Variants in TMEM266 observed in about 807,000 individuals in gnomAD.
The protein encoded by TMEM266 is Hv1 related protein 1.
Under a neutral mutation model 50.5 loss-of-function variants are expected in TMEM266, and 33 were observed. That is an observed-to-expected ratio of 0.65 (90% CI 0.50 to 0.87). The LOEUF is 0.87. Ranked by LOEUF, TMEM266 falls within the 40% of genes least tolerant of loss-of-function variation. TMEM266 has a pLI of 0.00. For missense variants in TMEM266, 655 were observed against 695.1 expected (o/e 0.94, Z 0.65); for synonymous variants, 310 against 292.3 (o/e 1.06, Z -0.62).
intron 1 of TMEM266, among the ~76,000 whole-genome samples, chr15:76,067,276 C>G (rs1000169386): frequency 8.5e-5 from 13 of 152,130 alleles, no homozygotes; most frequent in African/African-American, 3.1e-4. Flanking sequence ...AAACAAATTA[C>G]AGAAATGCAG....
At chr15:76,108,502 G>A (rs2037120322) in intron 1 of TMEM266, among the ~76,000 whole-genome samples, 1 of 152,256 alleles carries the variant, frequency 6.6e-6, no homozygotes, top group South Asian at 2.1e-4. Context: ...CTGGGCCTGG[G>A]ATGGGGTCTG....
At chr15:76,102,663 A>C (rs1451514133) in intron 1 of TMEM266, among the ~76,000 whole-genome samples, 1 of 151,866 alleles carries the variant, frequency 6.6e-6, no homozygotes, top group Admixed American at 6.6e-5. Context: ...ACATGACAAA[A>C]CTCTATCTCT....
At chr15:76,130,380 A>G (rs1331007091) in intron 1 of TMEM266, among the ~76,000 whole-genome samples, 2 of 151,300 alleles carry the variant, frequency 1.3e-5, no homozygotes, top group Admixed American at 6.7e-5. Context: ...TCTACTAATA[A>G]TATAAAAAAA....
At chr15:76,101,178 G>A (rs1243258306) in intron 1 of TMEM266, among the ~76,000 whole-genome samples, 1 of 152,166 alleles carries the variant, frequency 6.6e-6, no homozygotes, top group Non-Finnish European at 1.5e-5. Flanking sequence ...ATGGCAGTCA[G>A]CAACAGAGCT....
chr15:76,131,293 G>A (rs1172721149), intron 1 of TMEM266, among the ~76,000 whole-genome samples: 1 of 152,260 alleles, frequency 6.6e-6, no homozygotes, highest in Non-Finnish European at 1.5e-5. Flanking sequence ...CATGAACCCA[G>A]GAGGCGGAGG....
chr15:76,144,360 G>A (rs1029980539), intron 3 of TMEM266, among the ~76,000 whole-genome samples: 5 of 152,130 alleles, frequency 3.3e-5, no homozygotes, highest in Admixed American at 2.6e-4. Flanking sequence ...ATAGTCAGCC[G>A]TAGTCACCCT....
chr15:76,103,065 G>GA, intron 1 of TMEM266, among the ~76,000 whole-genome samples: 1 of 152,218 alleles, frequency 6.6e-6, no homozygotes, highest in East Asian at 1.9e-4. Context: ...GGGAAGCAGG[G>GA]AGACAGGAGT....
At chr15:76,173,902 C>T (rs1312363244) in intron 7 of TMEM266, among the ~76,000 whole-genome samples, 1 of 150,450 alleles carries the variant, frequency 6.6e-6, no homozygotes, top group East Asian at 2.0e-4. Context: ...CACTGCACTC[C>T]AGCCTGGGTG....
chr15:76,199,647 A>G (rs891638286), intron 9 of TMEM266, among the ~76,000 whole-genome samples: 43 of 152,280 alleles, frequency 2.8e-4, no homozygotes, highest in African/African-American at 9.9e-4. Context: ...ATCACATCGG[A>G]TCTCGGGGCA....
chr15:76,128,027 A>G (rs1289626207), intron 1 of TMEM266, among the ~76,000 whole-genome samples: 57 of 152,356 alleles, frequency 3.7e-4, no homozygotes, highest in Non-Finnish European at 4.4e-5. Context: ...ACAGAGGGTC[A>G]AGTGGAATGG....
At position 76,139,456 on chromosome 15, in the gene TMEM266, T is replaced by G. The variant is rs1309969517; in HGVS notation, c.227+1561T>G. Among the ~76,000 whole-genome samples the G allele has an allele frequency of 6.6e-6, 1 of 152,232 alleles. No homozygotes were observed. Among genetic ancestry groups the G allele is most frequent in the Non-Finnish European group, 1.5e-5 (1 of 68,026 alleles). ...CCATCTTGAAGGCCGGGCTGAAACC[T>G]GAGGCCCCTGGGCCAGGGCCAGCTT... On this transcript the variant is annotated intron_variant, in intron 3 of 10. Transcript: ENST00000388942. The surrounding 1 kb of genome is among the most constrained non-coding windows in gnomAD (Gnocchi z 4.1).
At chr15:76,152,578 T>G (rs1227851272) in intron 3 of TMEM266, among the ~76,000 whole-genome samples, 19 of 152,162 alleles carry the variant, frequency 1.2e-4, no homozygotes, top group Admixed American at 1.2e-3. Context: ...GTGTTTCTCA[T>G]ACTGGAGGTA....
chr15:76,202,327 C>A, intron 10 of TMEM266, 63 bp downstream of exon 10: 1 of 1,461,602 alleles, frequency 6.8e-7, no homozygotes, highest in East Asian at 2.3e-5. Flanking sequence ...AACCCAGAGA[C>A]AACTCGGCCT....
At position 76,169,889 on chromosome 15, in the gene TMEM266, AC is replaced by A; in HGVS notation, c.513+22del. ...AAAATAGAGGTAAAGACCAATGTCC[AC>A]CCCCAAAGCCCCCACTCTGCCATCC... On this transcript the variant is annotated intron_variant, in intron 6 of 10. Transcript: ENST00000388942. 1 of 1,610,920 alleles carries A rather than the reference AC, an allele frequency of 6.2e-7. No individual in the cohort carries two copies. Among genetic ancestry groups the A allele is most frequent in the South Asian group, 1.1e-5 (1 of 90,998 alleles).
chr15:76,124,432 T>G lies in TMEM266; in HGVS notation c.-96-9736T>G, dbSNP rs548863891. Among the ~76,000 whole-genome samples, 8 of 152,310 alleles carry G rather than the reference T, an allele frequency of 5.3e-5. No homozygotes were observed. In the South Asian group the frequency reaches 1.4e-3, roughly 28 times the overall value. On this transcript the variant is annotated intron_variant, in intron 1 of 10. Transcript: ENST00000388942. ...AGAACGATATCCTATGTTCATAGAT[T>G]GGAATAATTCATATTATTGAAATGT...
chr15:76,075,882 G>A (rs565418622), intron 1 of TMEM266, among the ~76,000 whole-genome samples: 2 of 75,316 alleles, frequency 2.7e-5, no homozygotes, highest in East Asian at 8.8e-4. Context: ...TTTGAGACAC[G>A]GGCTTTTTTT....
chr15:76,127,036 A>G (rs1196442899), intron 1 of TMEM266, among the ~76,000 whole-genome samples: 1 of 152,166 alleles, frequency 6.6e-6, no homozygotes, highest in Non-Finnish European at 1.5e-5. Context: ...AATAACCACC[A>G]TAGTGACTAA....
rs550407809 is a variant in TMEM266, at chr15:76,081,076, T to C, written c.-97+21060T>C. ...CCTGGGGATGATTCTGAAGGCCCTTTCTCTATTGGGATAGATTTTTCTTCT... is the reference window on the plus strand; with the variant it reads ...CCTGGGGATGATTCTGAAGGCCCTTCCTCTATTGGGATAGATTTTTCTTCT... On this transcript the variant is annotated intron_variant, in intron 1 of 10. Transcript: ENST00000388942. Among the ~76,000 whole-genome samples, 226 of 152,334 alleles carry C rather than the reference T, an allele frequency of 1.5e-3. 2 individuals carry two copies. Among genetic ancestry groups the C allele is most frequent in the African/African-American group, 5.2e-3 (217 of 41,578 alleles).
At chr15:76,130,935 T>A (rs549868275) in intron 1 of TMEM266, among the ~76,000 whole-genome samples, 22 of 152,254 alleles carry the variant, frequency 1.4e-4, no homozygotes, top group Non-Finnish European at 2.8e-4. Flanking sequence ...TGTGAATTTT[T>A]ACTTGTTCTC....
Sources: allele counts gnomAD v4.1 joint callset (sites outside exome capture counted in the v4.1 genomes callset), GRCh38; gene constraint gnomAD v4.1.1; non-coding constraint Gnocchi (gnomAD v3.1); transcripts MANE v1.5; gene names NCBI Gene and HGNC (gene_info 2026-07-23, HGNC 2026-07-21).